SRPK2: variants seen among roughly 807,000 people sequenced by gnomAD.
SRPK2 encodes SRSF protein kinase 2.
In SRPK2, 21 loss-of-function variants were observed where a neutral mutation model predicts 90.8. That is an observed-to-expected ratio of 0.23 (90% CI 0.16 to 0.33). The LOEUF (loss-of-function observed/expected upper bound fraction) is 0.33. SRPK2 is among the 10% of genes least tolerant of loss of function. SRPK2 has a pLI of 1.00. For missense variants in SRPK2, 620 were observed against 869.0 expected (o/e 0.71, Z 3.60); for synonymous variants, 288 against 311.1 (o/e 0.93, Z 0.78).
intron 7 of SRPK2, among the ~76,000 whole-genome samples, chr7:105,157,097 C>G (rs1370125498): frequency 6.6e-6 from 1 of 152,048 alleles, no homozygotes; most frequent in Non-Finnish European, 1.5e-5. Flanking sequence ...GCTGTATGCA[C>G]AGAGAGCCAA....
At chr7:105,382,460 G>A (rs1821057303) in intron 2 of SRPK2, among the ~76,000 whole-genome samples, 1 of 147,668 alleles carries the variant, frequency 6.8e-6, no homozygotes, top group Admixed American at 7.0e-5. Context: ...GCTAAGTCAG[G>A]AGAATCGCTT....
At chr7:105,316,527 T>C (rs1180465445) in intron 2 of SRPK2, among the ~76,000 whole-genome samples, 2 of 152,190 alleles carry the variant, frequency 1.3e-5, no homozygotes, top group Admixed American at 6.5e-5. Context: ...TCCTGACTTG[T>C]AACTCTGACA....
intron 2 of SRPK2, among the ~76,000 whole-genome samples, chr7:105,209,649 A>C (rs527734727): frequency 6.6e-6 from 1 of 151,986 alleles, no homozygotes; most frequent in Non-Finnish European, 1.5e-5. Context: ...AGGACAATGG[A>C]GAAAGGGGAA....
chr7:105,237,502 T>G (rs1386554445), intron 2 of SRPK2, among the ~76,000 whole-genome samples: 1 of 152,168 alleles, frequency 6.6e-6, no homozygotes, highest in African/African-American at 2.4e-5. Flanking sequence ...GAGCGAACAG[T>G]CTAAACTGAT....
At chr7:105,217,107 G>A (rs1292245748) in intron 2 of SRPK2, among the ~76,000 whole-genome samples, 1 of 152,168 alleles carries the variant, frequency 6.6e-6, no homozygotes, top group Non-Finnish European at 1.5e-5. Flanking sequence ...GGCATATCTG[G>A]AGTTCCTCCC....
intron 11 of SRPK2, among the ~76,000 whole-genome samples, chr7:105,139,643 C>T (rs1322201699): frequency 6.6e-6 from 1 of 152,214 alleles, no homozygotes; most frequent in African/African-American, 2.4e-5. Context: ...TAACAAGCAG[C>T]AATTCTGCTC....
At chr7:105,335,651 TAAAA>T (rs60278367) in intron 2 of SRPK2, among the ~76,000 whole-genome samples, 1 of 114,936 alleles carries the variant, frequency 8.7e-6, no homozygotes, top group Non-Finnish European at 1.8e-5. Flanking sequence ...GACCATCTTT[TAAAA>T]AAAAAAAAAA....
At chr7:105,166,649 T>C (rs1205957601) in intron 6 of SRPK2, among the ~76,000 whole-genome samples, 1 of 152,178 alleles carries the variant, frequency 6.6e-6, no homozygotes, top group Non-Finnish European at 1.5e-5. Context: ...AGAAAAACAA[T>C]AAAGGTATTT....
intron 3 of SRPK2, among the ~76,000 whole-genome samples, chr7:105,191,051 A>C (rs1465756489): frequency 6.6e-6 from 1 of 152,222 alleles, no homozygotes; most frequent in African/African-American, 2.4e-5. Context: ...TAAGATACAA[A>C]ATTAGAAAGA....
chr7:105,228,432 T>C (rs903718185), intron 2 of SRPK2, among the ~76,000 whole-genome samples: 5 of 152,236 alleles, frequency 3.3e-5, no homozygotes, highest in African/African-American at 7.2e-5. Context: ...TTCTGGATAC[T>C]AACACAAACT....
At chr7:105,206,838 G>T (rs148769417) in intron 2 of SRPK2, among the ~76,000 whole-genome samples, 1 of 152,214 alleles carries the variant, frequency 6.6e-6, no homozygotes, top group South Asian at 2.1e-4. Flanking sequence ...GTGGATGGTA[G>T]AACTCTGGAC....
intron 2 of SRPK2, among the ~76,000 whole-genome samples, chr7:105,306,866 G>A (rs1446729480): frequency 6.6e-6 from 1 of 152,140 alleles, no homozygotes; most frequent in African/African-American, 2.4e-5. Context: ...GGGGAAAAAT[G>A]TTTAAACACA....
chr7:105,388,131 G>T (rs943762357), intron 2 of SRPK2, among the ~76,000 whole-genome samples: 20 of 152,126 alleles, frequency 1.3e-4, no homozygotes, highest in African/African-American at 4.6e-4. Context: ...GTTCTCAGCA[G>T]AAAGGCCGAC....
intron 2 of SRPK2, among the ~76,000 whole-genome samples, chr7:105,250,073 A>G (rs930571137): frequency 2.6e-5 from 4 of 152,208 alleles, no homozygotes; most frequent in Non-Finnish European, 5.9e-5. Flanking sequence ...GCTCACGCCT[A>G]TAATCTCAGC....
intron 2 of SRPK2, among the ~76,000 whole-genome samples, chr7:105,210,660 T>A (rs1437952652): frequency 6.6e-6 from 1 of 151,620 alleles, no homozygotes; most frequent in Non-Finnish European, 1.5e-5. Context: ...GATCTGTGAG[T>A]GTGAGATATT....
At chr7:105,177,476 A>G (rs1282305473) in intron 3 of SRPK2, among the ~76,000 whole-genome samples, 2 of 152,238 alleles carry the variant, frequency 1.3e-5, no homozygotes, top group African/African-American at 2.4e-5. Flanking sequence ...CATTTACAAG[A>G]TAAAACAAAT....
intron 2 of SRPK2, among the ~76,000 whole-genome samples, chr7:105,284,321 T>C (rs2130878348): frequency 6.6e-6 from 1 of 152,296 alleles, no homozygotes; most frequent in South Asian, 2.1e-4. Context: ...AAATGGTACA[T>C]GCAAAGCTAC....
Position 105,116,861 on chromosome 7 carries a change from T to C in SRPK2, c.*977A>G, listed in dbSNP as rs1213162181. On this transcript the variant is annotated 3_prime_UTR_variant, in exon 16 of 16. Coordinates refer to ENST00000393651, the MANE Select transcript of SRPK2 (RefSeq NM_182692.3). ...TCTGCCCACTGCACTGCAAATTGTATATACCATACCTTGTGTTCTAGACAA... is the reference window on the plus strand; with the variant it reads ...TCTGCCCACTGCACTGCAAATTGTACATACCATACCTTGTGTTCTAGACAA... 6.6e-6 allele frequency: 1 copy of C among 152,200 alleles called. No individual in the cohort carries two copies. The highest frequency in any genetic ancestry group is 1.5e-5 in the Non-Finnish European group (1 of 68,024). 9.4% of individuals were successfully genotyped at this position (152,200 alleles called of 1,614,324 possible). A position where few individuals can be genotyped will look rare whatever the true frequency, so the allele number is the denominator to read the frequency against.
intron 2 of SRPK2, chr7:105,244,879 G>A: frequency 2.3e-6 from 3 of 1,323,936 alleles, no homozygotes; most frequent in South Asian, 1.2e-5. Flanking sequence ...ATCAAGAAAA[G>A]GGTGTGGGCG....
Sources: gnomAD v4.1 joint callset for allele counts (sites outside exome capture counted in the v4.1 genomes callset) on GRCh38, gnomAD v4.1.1 for gene constraint, MANE v1.5 for transcripts, NCBI Gene and HGNC (gene_info 2026-07-23, HGNC 2026-07-21) for gene names.